The following VGLL3 variants were observed in gnomAD, a reference collection of about 807,000 sequenced individuals.
VGLL3 encodes the protein transcription cofactor vestigial-like protein 3.
Under a neutral mutation model 29.2 loss-of-function variants are expected in VGLL3, and 18 were observed. That is an observed-to-expected ratio of 0.62 (90% CI 0.43 to 0.91). The LOEUF is 0.91. Among genes scored for constraint, VGLL3 ranks in the 40% least tolerant of loss-of-function variants. The pLI is 0.00. For missense variants in VGLL3, 440 were observed against 413.2 expected, an observed-to-expected ratio of 1.06 and a Z score of -0.56; for synonymous variants, 180 against 151.8, an observed-to-expected ratio of 1.19 and a Z score of -1.36.
intron 3 of VGLL3, among the ~76,000 whole-genome samples, chr3:86,956,792 C>CA (rs55781336): frequency 0.015 from 1,351 of 90,080 alleles, 2 homozygotes; most frequent in African/African-American, 0.018. Flanking sequence ...CCCACCGTCC[C>CA]AAAAAAAAAA....
At chr3:86,983,256 C>T (rs1575880502) in intron 1 of VGLL3, among the ~76,000 whole-genome samples, 2 of 152,270 alleles carry the variant, frequency 1.3e-5, no homozygotes, top group East Asian at 3.9e-4. Context: ...TTTTAAAATA[C>T]AATGATTCTT....
intron 1 of VGLL3, among the ~76,000 whole-genome samples, chr3:86,988,675 A>AGG (rs1196007629): frequency 0.063 from 8,475 of 135,290 alleles, 1,207 homozygotes; most frequent in African/African-American, 0.2. Flanking sequence ...AAAAAAAAAA[A>AGG]AAAAAAAAAA....
chr3:86,950,323 G>A (rs1366479320), intron 3 of VGLL3, among the ~76,000 whole-genome samples: 3 of 152,138 alleles, frequency 2.0e-5, no homozygotes, highest in Non-Finnish European at 2.9e-5. Context: ...AGTGCTAAGT[G>A]CTTTATATGA....
At chr3:86,988,651 A>G (rs1705505488) in intron 1 of VGLL3, among the ~76,000 whole-genome samples, 1 of 70,938 alleles carries the variant, frequency 1.4e-5, no homozygotes, top group African/African-American at 4.0e-5. Context: ...AAAAAAAAAA[A>G]AAAAAAAAAA....
chr3:86,947,094 A>C (rs756405648), intron 3 of VGLL3, 27 bp from the exon 4 acceptor site: 2 of 780,268 alleles, frequency 2.6e-6, no homozygotes, highest in Non-Finnish European at 4.8e-6. Flanking sequence ...TGGGGAAAAA[A>C]TAAAGAACAT....
chr3:86,958,658 C>G (rs1260645528), intron 3 of VGLL3, among the ~76,000 whole-genome samples: 2 of 152,192 alleles, frequency 1.3e-5, no homozygotes, highest in East Asian at 3.9e-4. Flanking sequence ...GGCTTGAATA[C>G]TTGAAACTGA....
rs1364399893 is a variant in VGLL3 at position 86,946,957 on chromosome 3, C to G, written c.*67G>C. ...TGTCCTATTGCTGAATGGAAAAACC[C>G]GACAGTATCTTTTCCCAGTGGGCCC... is the stretch of plus-strand genomic sequence containing the variant. On this transcript the variant is annotated 3_prime_UTR_variant, in exon 4 of 4. Coordinates refer to ENST00000398399, the MANE Select transcript of VGLL3 (RefSeq NM_016206.4). The G allele has an allele frequency of 3.4e-5, 26 of 767,350 alleles. No individual in the cohort carries two copies. The highest frequency in any genetic ancestry group is 6.3e-5 in the Non-Finnish European group (26 of 411,588). The allele number at this position is 767,350 out of a possible 1,614,324, so 47.5% of individuals were successfully genotyped here.
intron 2 of VGLL3, among the ~76,000 whole-genome samples, chr3:86,972,266 T>C (rs761894938): frequency 1.3e-5 from 2 of 152,150 alleles, no homozygotes; most frequent in Non-Finnish European, 2.9e-5. Flanking sequence ...TCCATAAAGA[T>C]TGAACAAAGT....
chr3:86,964,855 C>G (rs1348247963), intron 3 of VGLL3, among the ~76,000 whole-genome samples: 1 of 152,126 alleles, frequency 6.6e-6, no homozygotes, highest in Non-Finnish European at 1.5e-5. Flanking sequence ...CATTTCTCTA[C>G]TAATGAAAAT....
chr3:86,948,491 A>C (rs1704549106), intron 3 of VGLL3, among the ~76,000 whole-genome samples: 1 of 152,196 alleles, frequency 6.6e-6, no homozygotes, highest in Non-Finnish European at 1.5e-5. Context: ...CGGACTACAC[A>C]AAGGGCAAAA....
intron 3 of VGLL3, among the ~76,000 whole-genome samples, chr3:86,953,209 C>T (rs549329257): frequency 2.0e-5 from 3 of 152,270 alleles, no homozygotes; most frequent in Admixed American, 1.3e-4. Flanking sequence ...TACATAATAT[C>T]ACCTATCATC....
chr3:86,957,137 G>A (rs1704742388), intron 3 of VGLL3, among the ~76,000 whole-genome samples: 1 of 152,006 alleles, frequency 6.6e-6, no homozygotes, highest in East Asian at 1.9e-4. Flanking sequence ...TTCTAGATAG[G>A]GAAAATGTTC....
chr3:86,960,505 G>T (rs552414710), intron 3 of VGLL3, among the ~76,000 whole-genome samples: 1 of 152,200 alleles, frequency 6.6e-6, no homozygotes, highest in Admixed American at 6.5e-5. Context: ...AGATTAGAGA[G>T]TAAAGTTTAT....
chr3:86,943,666 G>A lies in VGLL3; in HGVS notation c.*3358C>T, dbSNP rs920273290. 2.6e-5 allele frequency: 4 copies of A among 151,908 alleles called. No homozygotes were observed. Among genetic ancestry groups the A allele is most frequent in the African/African-American group, 4.8e-5 (2 of 41,334 alleles). The allele number at this position is 151,908 out of a possible 1,614,324, so 9.4% of individuals were successfully genotyped here. ...AAAGAAAAAGGAGAGCAAATAGAGGGGAAAGTTAAGAGAGGGTGCTTAACT... is the reference window on the plus strand; with the variant it reads ...AAAGAAAAAGGAGAGCAAATAGAGGAGAAAGTTAAGAGAGGGTGCTTAACT... On this transcript the variant is annotated 3_prime_UTR_variant, in exon 4 of 4. Transcript: ENST00000398399.
chr3:86,954,617 A>G (rs1297826267), intron 3 of VGLL3, among the ~76,000 whole-genome samples: 1 of 152,130 alleles, frequency 6.6e-6, no homozygotes, highest in Non-Finnish European at 1.5e-5. Flanking sequence ...TCATAGAGTT[A>G]GGTAGTTTTT....
intron 3 of VGLL3, among the ~76,000 whole-genome samples, chr3:86,949,887 T>C (rs990272869): frequency 5.3e-5 from 8 of 152,058 alleles, no homozygotes; most frequent in African/African-American, 1.9e-4. Context: ...AATTTTTTCT[T>C]ATTAAGACAA....
chr3:86,990,791 C>G lies in VGLL3; in HGVS notation c.-48G>C, dbSNP rs1401762523. On this transcript the variant is annotated 5_prime_UTR_variant, in exon 1 of 4. Coordinates refer to ENST00000398399, the MANE Select transcript of VGLL3 (RefSeq NM_016206.4). ...CCCGAGCTGCCGCCGCCGCTCTACG[C>G]GCTGGCGCGAGGGGCGCGGGCGCCG... is the stretch of plus-strand genomic sequence containing the variant. 1.6e-6 allele frequency: 2 copies of G among 1,256,512 alleles called. No homozygotes were observed. Among genetic ancestry groups the G allele is most frequent in the South Asian group, 3.5e-5 (1 of 28,578 alleles). 77.8% of individuals were successfully genotyped at this position (1,256,512 alleles called of 1,614,324 possible).
At position 86,940,669 on chromosome 3, in the gene VGLL3, GATA is replaced by G. The variant is rs2106941437; in HGVS notation, c.*6352_*6354del. ...TAAATTATTTATTGAACAAATTGAA[GATA>G]ATGACATATGTTTTTATTACAAAGT... On this transcript the variant is annotated 3_prime_UTR_variant, in exon 4 of 4. Transcript: ENST00000398399. 1 of 152,252 alleles carries G rather than the reference GATA, an allele frequency of 6.6e-6. No homozygotes were observed. The highest frequency in any genetic ancestry group is 1.9e-4 in the East Asian group (1 of 5,184). The allele number at this position is 152,252 out of a possible 1,614,324, so 9.4% of individuals were successfully genotyped here.
Position 86,939,700 on chromosome 3 carries a change from A to G in VGLL3, c.*7324T>C, listed in dbSNP as rs1704353528. ...AGATGAAGAGATTATTCTGGATTAC[A>G]CAGATGCAGCTATTGTAATCACATG... On this transcript the variant is annotated 3_prime_UTR_variant, in exon 4 of 4. Coordinates refer to ENST00000398399, the MANE Select transcript of VGLL3 (RefSeq NM_016206.4). The G allele has an allele frequency of 6.6e-6, 1 of 152,374 alleles. No individual in the cohort carries two copies. The highest frequency in any genetic ancestry group is 1.5e-5 in the Non-Finnish European group (1 of 68,166). 9.4% of individuals were successfully genotyped at this position (152,374 alleles called of 1,614,324 possible). A position where few individuals can be genotyped will look rare whatever the true frequency, so the allele number is the denominator to read the frequency against.
Sources: gnomAD v4.1 joint callset for allele counts (sites outside exome capture counted in the v4.1 genomes callset) on GRCh38, gnomAD v4.1.1 for gene constraint, MANE v1.5 for transcripts, NCBI Gene and HGNC (gene_info 2026-07-23, HGNC 2026-07-21) for gene names.